Variants in RORA observed in about 807,000 individuals in gnomAD.
RORA encodes RAR related orphan receptor A, also known as nuclear receptor ROR-alpha.
In RORA, 7 loss-of-function variants were observed where a neutral mutation model predicts 69.5. That is an observed-to-expected ratio of 0.10 (90% CI 0.06 to 0.19). The LOEUF (loss-of-function observed/expected upper bound fraction) is 0.19, where lower values mean the gene tolerates loss of function less well. RORA is among the 10% of genes least tolerant of loss of function. The pLI is 1.00. For synonymous variants in RORA, 261 were observed against 240.8 expected (o/e 1.08, Z -0.78); for missense variants, 457 against 663.0 (o/e 0.69, Z 3.41).
intron 2 of RORA, among the ~76,000 whole-genome samples, chr15:60,597,604 A>ATATG (rs1567115545): frequency 6.6e-5 from 3 of 45,264 alleles, no homozygotes; most frequent in Non-Finnish European, 1.2e-4. Flanking sequence ...ACACATATAT[A>ATATG]TATATATATA....
chr15:61,157,510 G>C (rs944793723), intron 1 of RORA, among the ~76,000 whole-genome samples: 12 of 152,166 alleles, frequency 7.9e-5, no homozygotes, highest in Non-Finnish European at 1.6e-4. Flanking sequence ...GCACTACACA[G>C]ATACAATATA....
At position 60,558,230 on chromosome 15, in the gene RORA, C is replaced by T. The variant is rs199937951; in HGVS notation, c.197-26379G>A. The T allele has an allele frequency of 1.0e-4, 164 of 1,608,798 alleles. 1 individual carries two copies. Among genetic ancestry groups the T allele is most frequent in the Middle Eastern group, 6.5e-4 (3 of 4,584 alleles). ...AGGCCTTTGGATTCACTTACACAGA[C>T]GCCAGTAAGAACAAAAGCATCACCT... On this transcript the variant is annotated intron_variant, in intron 2 of 10. Transcript: ENST00000335670.
intron 1 of RORA, among the ~76,000 whole-genome samples, chr15:60,788,665 T>A (rs2072374226): frequency 6.6e-6 from 1 of 152,056 alleles, no homozygotes; most frequent in East Asian, 1.9e-4. Flanking sequence ...ATCCACACAG[T>A]CATCAGCACC....
At chr15:61,111,544 GCTCT>G (rs1479835244) in intron 1 of RORA, among the ~76,000 whole-genome samples, 1 of 151,966 alleles carries the variant, frequency 6.6e-6, no homozygotes, top group Non-Finnish European at 1.5e-5. Context: ...TCTTTCTTCT[GCTCT>G]CTAATTTGCA....
chr15:60,822,465 C>T (rs2072905464), intron 1 of RORA, among the ~76,000 whole-genome samples: 1 of 152,228 alleles, frequency 6.6e-6, no homozygotes, highest in Non-Finnish European at 1.5e-5. Context: ...AAACGCTCCA[C>T]ACTGGAGCTC....
rs886658407 is a variant in RORA at position 61,131,751 on chromosome 15, G to A, written c.166+97302C>T. Among the ~76,000 whole-genome samples the A allele has an allele frequency of 6.6e-6, 1 of 152,210 alleles. No individual in the cohort carries two copies. On this transcript the variant is annotated intron_variant, in intron 1 of 10. Coordinates refer to ENST00000335670, the MANE Select transcript of RORA (RefSeq NM_134261.3). This position sits in a 1 kb window ranked among gnomAD's most constrained non-coding sequence, Gnocchi z 4.2. Reference sequence around the variant, plus strand: ...AAACATACTGAGCAGAAATTCCAACGTGGGCAGGGCTGGGGAAGGAGTAGG... The same window carrying A: ...AAACATACTGAGCAGAAATTCCAACATGGGCAGGGCTGGGGAAGGAGTAGG...
At chr15:60,956,524 C>T (rs1036725115) in intron 1 of RORA, among the ~76,000 whole-genome samples, 1 of 152,180 alleles carries the variant, frequency 6.6e-6, no homozygotes, top group Non-Finnish European at 1.5e-5. Flanking sequence ...GAGCTTTGAA[C>T]CAAACCACCC....
At chr15:60,982,160 G>A (rs891241328) in intron 1 of RORA, among the ~76,000 whole-genome samples, 9 of 152,134 alleles carry the variant, frequency 5.9e-5, no homozygotes, top group Non-Finnish European at 8.8e-5. Context: ...CATTGTGTGT[G>A]GGGGTGGGAG....
chr15:60,954,623 G>C (rs1366954220), intron 1 of RORA, among the ~76,000 whole-genome samples: 1 of 152,142 alleles, frequency 6.6e-6, no homozygotes, highest in African/African-American at 2.4e-5. Flanking sequence ...TAACAAAAGT[G>C]AAAGAAGCCT....
intron 1 of RORA, among the ~76,000 whole-genome samples, chr15:61,054,316 GA>G (rs71429587): frequency 0.25 from 36,197 of 144,578 alleles, 4,905 homozygotes; most frequent in Non-Finnish European, 0.32. Flanking sequence ...TTCATTTTCT[GA>G]AAAAAAAAAA....
intron 1 of RORA, among the ~76,000 whole-genome samples, chr15:60,785,409 G>A (rs749717371): frequency 3.3e-5 from 5 of 152,204 alleles, no homozygotes; most frequent in Non-Finnish European, 7.3e-5. Context: ...TAGGTAAACA[G>A]AGAAGGGATC....
At position 61,002,415 on chromosome 15, in the gene RORA, G is replaced by C. The variant is rs369538716; in HGVS notation, c.166+226638C>G. On this transcript the variant is annotated intron_variant, in intron 1 of 10. Transcript: ENST00000335670. ...TCTTCCACATGGCAAGTTTTATTTT[G>C]TTTAATTTAACAATAAAGTCATTAT... Among the ~76,000 whole-genome samples, 826 of 152,244 alleles carry C rather than the reference G, an allele frequency of 5.4e-3. 8 individuals carry two copies. Among genetic ancestry groups the C allele is most frequent in the African/African-American group, 0.019 (784 of 41,556 alleles).
At chr15:60,564,384 A>G (rs1001225512) in intron 2 of RORA, among the ~76,000 whole-genome samples, 1 of 152,216 alleles carries the variant, frequency 6.6e-6, no homozygotes, top group Non-Finnish European at 1.5e-5. Context: ...TTATCTTAAC[A>G]TAATGCTCTT....
chr15:61,073,909 T>C (rs866757836), intron 1 of RORA, among the ~76,000 whole-genome samples: 17 of 152,224 alleles, frequency 1.1e-4, no homozygotes, highest in African/African-American at 3.6e-4. Flanking sequence ...TTCAGATACA[T>C]TAATTTTCTG....
At position 60,581,535 on chromosome 15, in the gene RORA, T is replaced by C. The variant is rs1344614163; in HGVS notation, c.197-49684A>G. 3.9e-5 allele frequency among the ~76,000 whole-genome samples: 6 copies of C among 152,228 alleles called. No individual in the cohort carries two copies. In the East Asian group the frequency reaches 1.2e-3, roughly 29 times the overall value. ...TGAATGCAATGGAGGTACAATTTCT[T>C]AGATATATACAAAATAGGCGGTATG... On this transcript the variant is annotated intron_variant, in intron 2 of 10. Coordinates refer to ENST00000335670, the MANE Select transcript of RORA (RefSeq NM_134261.3).
intron 3 of RORA, among the ~76,000 whole-genome samples, chr15:60,524,594 T>G (rs955847516): frequency 2.6e-5 from 4 of 152,222 alleles, no homozygotes; most frequent in African/African-American, 9.7e-5. Flanking sequence ...AGTCCTGTAT[T>G]TATCCCCCTC....
At chr15:60,643,775 C>A (rs1053216759) in intron 2 of RORA, among the ~76,000 whole-genome samples, 2 of 152,140 alleles carry the variant, frequency 1.3e-5, no homozygotes, top group Non-Finnish European at 2.9e-5. Context: ...ATTTTTGGAA[C>A]CCACAGAGGC....
chr15:60,664,644 A>AT (rs1029706155), intron 2 of RORA, among the ~76,000 whole-genome samples: 42 of 152,168 alleles, frequency 2.8e-4, no homozygotes, highest in African/African-American at 8.7e-4. Context: ...GGCAAGGGAC[A>AT]TTTTTTTCTC....
At chr15:60,638,335 T>C (rs2069876887) in intron 2 of RORA, among the ~76,000 whole-genome samples, 1 of 151,874 alleles carries the variant, frequency 6.6e-6, no homozygotes, top group Admixed American at 6.6e-5. Flanking sequence ...CTTAAGGTGA[T>C]GGGGTTATAG....
Sources: allele counts gnomAD v4.1 joint callset (sites outside exome capture counted in the v4.1 genomes callset), GRCh38; gene constraint gnomAD v4.1.1; non-coding constraint Gnocchi (gnomAD v3.1); transcripts MANE v1.5; gene names NCBI Gene and HGNC (gene_info 2026-07-23, HGNC 2026-07-21).